UTP20: variants seen among roughly 807,000 people sequenced by gnomAD.
UTP20 encodes the protein UTP20 small subunit processome component, also known as small subunit processome component 20 homolog.
Under a neutral mutation model 329.5 loss-of-function variants are expected in UTP20, and 164 were observed. The observed-to-expected ratio is 0.50, with a 90% CI of 0.44 to 0.57. UTP20 has a LOEUF of 0.57. Ranked by LOEUF, UTP20 falls within the 20% of genes least tolerant of loss-of-function variation. The pLI, the probability that UTP20 is intolerant of heterozygous loss-of-function variation, is 0.00. For synonymous variants in UTP20, 1,151 were observed against 1,159.3 expected (o/e 0.99, Z 0.14); for missense variants, 3,055 against 3,284.2 (o/e 0.93, Z 1.71).
Position 101,375,616 on chromosome 12 carries a change from GT to G in UTP20, c.7264-3del. On this transcript the variant is annotated splice_region_variant and splice_polypyrimidine_tract_variant and intron_variant, in intron 55 of 61. Coordinates refer to ENST00000261637, the MANE Select transcript of UTP20 (RefSeq NM_014503.3). The stretch of plus-strand genomic sequence containing the variant: ...GTTTTCATTGATTTACATCCGTCTT[GT>G]TTTTAGATCATGGAAGAAACTGAAG... 1 of 1,609,152 alleles carries G rather than the reference GT, an allele frequency of 6.2e-7. No individual in the cohort carries two copies. The highest frequency in any genetic ancestry group is 1.1e-5 in the South Asian group (1 of 89,332).
chr12:101,342,997 G>A lies in UTP20; in HGVS notation c.4353G>A (p.Glu1451=). Residue 1451 remains glutamate, a synonymous_variant, in exon 35 of 62, where the codon GAG becomes GAA. Transcript: ENST00000261637. ...LDDINFDVRF[E]TFQTITSYIK... ...ATATCAACTTCGACGTTCGCTTTGAGACTTTCCAGACCATCACCTCTTACA... is the reference window on the plus strand; with the variant it reads ...ATATCAACTTCGACGTTCGCTTTGAAACTTTCCAGACCATCACCTCTTACA... 1.2e-6 allele frequency: 2 copies of A among 1,613,902 alleles called. No homozygotes were observed. Among genetic ancestry groups the A allele is most frequent in the Non-Finnish European group, 1.7e-6 (2 of 1,179,940 alleles).
At position 101,356,635 on chromosome 12, in the gene UTP20, G is replaced by C. The variant is rs201154660; in HGVS notation, c.5476G>C (p.Ala1826Pro). 1 of 1,614,020 alleles carries C rather than the reference G, an allele frequency of 6.2e-7. No individual in the cohort carries two copies. The highest frequency in any genetic ancestry group is 8.5e-7 in the Non-Finnish European group (1 of 1,179,938). ...EEVVRVPLAF[A>P]MVKLMQSLPQ... ...AGTCGTTCGAGTTCCATTAGCTTTT[G>C]CCATGGTTAAACTAATGCAGTCCCT... Residue 1826 changes from alanine to proline, a missense_variant, in exon 42 of 62, where the codon GCC becomes CCC. Coordinates refer to ENST00000261637, the MANE Select transcript of UTP20 (RefSeq NM_014503.3).
intron 54 of UTP20, 152 bp from the exon 55 acceptor site, chr12:101,374,656 C>A (rs943557947): frequency 1.1e-5 from 6 of 553,748 alleles, no homozygotes. Flanking sequence ...TATTGGCCAT[C>A]AAAGCTCCAT....
chr12:101,364,488 G>A (rs187750869), intron 45 of UTP20, among the ~76,000 whole-genome samples: 1 of 152,232 alleles, frequency 6.6e-6, no homozygotes, highest in Admixed American at 6.5e-5. Flanking sequence ...AAGGAACATG[G>A]TTAAAGAGAA....
chr12:101,280,218 CT>C lies in UTP20; in HGVS notation c.-63del. 1 of 1,543,530 alleles carries C rather than the reference CT, an allele frequency of 6.5e-7. No homozygotes were observed. Among genetic ancestry groups the C allele is most frequent in the South Asian group, 1.2e-5 (1 of 83,666 alleles). On this transcript the variant is annotated 5_prime_UTR_variant, in exon 1 of 62. Coordinates refer to ENST00000261637, the MANE Select transcript of UTP20 (RefSeq NM_014503.3). ...ATAGCCTGTGAGCCGCTTTCCCCTCCTTACTGTCGGTTGCATCCCTTCGACA... is the reference window on the plus strand; with the variant it reads ...ATAGCCTGTGAGCCGCTTTCCCCTCCTACTGTCGGTTGCATCCCTTCGACA...
At chr12:101,298,199 A>C (rs751588420) in intron 12 of UTP20, among the ~76,000 whole-genome samples, 1 of 152,180 alleles carries the variant, frequency 6.6e-6, no homozygotes, top group Non-Finnish European at 1.5e-5. Flanking sequence ...ACAAAGAATA[A>C]GAAAAAAGTT....
At chr12:101,296,387 C>T (rs905515156) in intron 12 of UTP20, among the ~76,000 whole-genome samples, 17 of 151,932 alleles carry the variant, frequency 1.1e-4, no homozygotes, top group Non-Finnish European at 1.8e-4. Flanking sequence ...CTGGCTAACA[C>T]GGTGAAACCC....
chr12:101,344,165 G>A (rs923899819), intron 35 of UTP20, among the ~76,000 whole-genome samples: 25 of 151,736 alleles, frequency 1.6e-4, no homozygotes, highest in African/African-American at 7.3e-5. Context: ...ATTCTAAGTC[G>A]CTGCCTGGCT....
At chr12:101,281,076 T>C (rs78468255) in intron 1 of UTP20, 40 bp from the exon 2 acceptor site, 5 of 1,509,926 alleles carry the variant, frequency 3.3e-6, no homozygotes, top group Non-Finnish European at 4.6e-6. Flanking sequence ...TCTGATAAAT[T>C]TTAATTAATT....
In UTP20 at chr12:101,342,430, A is replaced by T; in HGVS notation, c.4102-16A>T. On this transcript the variant is annotated splice_polypyrimidine_tract_variant and intron_variant, in intron 32 of 61. Transcript: ENST00000261637. The stretch of plus-strand genomic sequence containing the variant: ...AACTTACTGAAATATGATTTCTCTG[A>T]TTATTTCTTCTCAAGGATACAGAGG... 1 of 1,584,720 alleles carries T rather than the reference A, an allele frequency of 6.3e-7. No homozygotes were observed. The highest frequency in any genetic ancestry group is 8.5e-7 in the Non-Finnish European group (1 of 1,170,604).
intron 27 of UTP20, among the ~76,000 whole-genome samples, chr12:101,330,628 G>C (rs1313630684): frequency 6.6e-6 from 1 of 152,228 alleles, no homozygotes; most frequent in Admixed American, 6.5e-5. Flanking sequence ...GCCATGGGAA[G>C]AATCAGGTGA....
chr12:101,383,710 G>A, intron 60 of UTP20, 41 bp downstream of exon 60: 1 of 1,451,430 alleles, frequency 6.9e-7, no homozygotes, highest in Non-Finnish European at 9.2e-7. Flanking sequence ...TTGCACATGA[G>A]GATTTCTAAC....
chr12:101,367,546 A>C (rs1298754173), intron 47 of UTP20, among the ~76,000 whole-genome samples: 3 of 152,074 alleles, frequency 2.0e-5, no homozygotes, highest in African/African-American at 7.2e-5. Context: ...GAGTCTAGCT[A>C]AGATCCATCA....
chr12:101,370,831 G>A (rs533812785), intron 50 of UTP20, among the ~76,000 whole-genome samples: 2 of 152,230 alleles, frequency 1.3e-5, no homozygotes, highest in Admixed American at 6.5e-5. Flanking sequence ...TTAGTAAAAT[G>A]TACATAACAT....
At chr12:101,314,598 C>T (rs904761856) in intron 21 of UTP20, among the ~76,000 whole-genome samples, 1 of 149,820 alleles carries the variant, frequency 6.7e-6, no homozygotes, top group African/African-American at 2.5e-5. Flanking sequence ...GTGGAGGTTG[C>T]AGTGAGCCAA....
chr12:101,314,535 G>A (rs1460300725), intron 21 of UTP20, among the ~76,000 whole-genome samples: 1 of 151,998 alleles, frequency 6.6e-6, no homozygotes, highest in Non-Finnish European at 1.5e-5. Flanking sequence ...GTGGGTGCCT[G>A]TAGTCCCAGC....
intron 50 of UTP20, 103 bp downstream of exon 50, chr12:101,370,666 AT>A: frequency 8.2e-7 from 1 of 1,214,210 alleles, no homozygotes; most frequent in Non-Finnish European, 1.1e-6. Flanking sequence ...GACTTCTGAA[AT>A]TGAGTAATTT....
intron 15 of UTP20, among the ~76,000 whole-genome samples, chr12:101,303,434 C>T (rs955653859): frequency 7.9e-5 from 12 of 152,108 alleles, no homozygotes; most frequent in African/African-American, 2.9e-4. Context: ...GGTGAACTTA[C>T]TGAGGAGGAG....
chr12:101,383,707 T>C (rs1870732437), intron 60 of UTP20, 38 bp downstream of exon 60: 1 of 1,459,190 alleles, frequency 6.9e-7, no homozygotes, highest in Admixed American at 2.0e-5. Flanking sequence ...CTTTTGCACA[T>C]GAGGATTTCT....
Sources: allele counts gnomAD v4.1 joint callset (sites outside exome capture counted in the v4.1 genomes callset), GRCh38; gene constraint gnomAD v4.1.1; transcripts MANE v1.5; gene names NCBI Gene and HGNC (gene_info 2026-07-23, HGNC 2026-07-21).